Variants in DPP10 observed in about 807,000 individuals in gnomAD.
DPP10 encodes dipeptidyl peptidase like 10.
Under a neutral mutation model 120.9 loss-of-function variants are expected in DPP10, and 33 were observed. The observed-to-expected ratio is 0.27, with a 90% confidence interval of 0.21 to 0.37. DPP10 has a LOEUF of 0.37. Ranked by LOEUF, DPP10 falls within the 10% of genes least tolerant of loss-of-function variation. The probability of loss-of-function intolerance (pLI) is 1.00; values close to 1 mark genes in which losing one functional copy is unlikely to be tolerated. For synonymous variants in DPP10, 337 were observed against 326.1 expected (o/e 1.03, Z -0.36); for missense variants, 816 against 942.8 (o/e 0.87, Z 1.76).
At chr2:115,290,412 G>GATAGAGGTATA (rs1169980943) in intron 1 of DPP10, among the ~76,000 whole-genome samples, 40 of 152,194 alleles carry the variant, frequency 2.6e-4, no homozygotes, top group Middle Eastern at 6.8e-3. Context: ...GGATAAATAG[G>GATAGAGGTATA]CAGGTGGATA....
chr2:114,915,259 CAAAG>C (rs1406353523), intron 1 of DPP10, among the ~76,000 whole-genome samples: 2 of 152,106 alleles, frequency 1.3e-5, no homozygotes, highest in Non-Finnish European at 2.9e-5. Flanking sequence ...TCAAAAAAGA[CAAAG>C]AAGAGCATTA....
intron 1 of DPP10, among the ~76,000 whole-genome samples, chr2:114,983,246 G>T (rs939617627): frequency 1.2e-4 from 18 of 152,062 alleles, no homozygotes; most frequent in Non-Finnish European, 2.6e-4. Context: ...CCCTAGAAAG[G>T]TTTAATTAGT....
chr2:115,217,123 G>T (rs1574046105), intron 1 of DPP10, among the ~76,000 whole-genome samples: 1 of 152,144 alleles, frequency 6.6e-6, no homozygotes, highest in South Asian at 2.1e-4. Context: ...TTTCACCAGA[G>T]TTTTACCAAG....
At chr2:114,943,758 A>G (rs1489836740) in intron 1 of DPP10, among the ~76,000 whole-genome samples, 2 of 152,234 alleles carry the variant, frequency 1.3e-5, no homozygotes, top group Non-Finnish European at 2.9e-5. Flanking sequence ...TATAGAAAAT[A>G]CAGAAGTTAT....
At chr2:115,247,752 C>T (rs2058595864) in intron 1 of DPP10, among the ~76,000 whole-genome samples, 1 of 152,070 alleles carries the variant, frequency 6.6e-6, no homozygotes, top group Non-Finnish European at 1.5e-5. Context: ...GCAGTCTACA[C>T]TTTCAAGAAG....
At chr2:115,812,963 C>CTTTTT (rs66478532) in intron 19 of DPP10, among the ~76,000 whole-genome samples, 1 of 72,782 alleles carries the variant, frequency 1.4e-5, no homozygotes, top group Non-Finnish European at 2.4e-5. Context: ...GACTGGATAT[C>CTTTTT]TTTTTTTTTT....
chr2:115,537,957 C>A (rs1262155475), intron 5 of DPP10, among the ~76,000 whole-genome samples: 1 of 151,956 alleles, frequency 6.6e-6, no homozygotes, highest in Admixed American at 6.6e-5. Flanking sequence ...GTCCACAGGG[C>A]TACTTCCATG....
chr2:115,691,061 T>C (rs1415299030), intron 7 of DPP10, among the ~76,000 whole-genome samples: 1 of 152,204 alleles, frequency 6.6e-6, no homozygotes. Context: ...GCAATTTGTA[T>C]TTTTTCATAT....
intron 1 of DPP10, among the ~76,000 whole-genome samples, chr2:114,588,745 G>A (rs980214221): frequency 2.0e-5 from 3 of 151,898 alleles, no homozygotes; most frequent in Admixed American, 6.6e-5. Flanking sequence ...CATTTCAGCC[G>A]AACATCACTT....
At chr2:115,220,960 T>C (rs1174047594) in intron 1 of DPP10, among the ~76,000 whole-genome samples, 2 of 151,410 alleles carry the variant, frequency 1.3e-5, no homozygotes, top group African/African-American at 2.4e-5. Flanking sequence ...TATTATATAA[T>C]CAGTGGCGAA....
chr2:114,977,931 G>T (rs1699855050), intron 1 of DPP10, among the ~76,000 whole-genome samples: 1 of 146,506 alleles, frequency 6.8e-6, no homozygotes. Context: ...AACTGGTTTT[G>T]TGCTTTTTTG....
At chr2:114,831,474 G>A (rs987163623) in intron 1 of DPP10, among the ~76,000 whole-genome samples, 3 of 152,172 alleles carry the variant, frequency 2.0e-5, no homozygotes, top group Admixed American at 1.3e-4. Context: ...TCCAATTTTC[G>A]GGAAGCAGGT....
At chr2:115,433,160 G>T (rs936576498) in intron 3 of DPP10, among the ~76,000 whole-genome samples, 1 of 152,012 alleles carries the variant, frequency 6.6e-6, no homozygotes, top group African/African-American at 2.4e-5. Context: ...TTTTATTAGT[G>T]TTATTTTCCC....
At chr2:114,582,097 C>T (rs1265106211) in intron 1 of DPP10, among the ~76,000 whole-genome samples, 1 of 152,170 alleles carries the variant, frequency 6.6e-6, no homozygotes, top group East Asian at 1.9e-4. Flanking sequence ...CTTAAAAATC[C>T]TCTGCACTCT....
At chr2:114,585,367 T>C (rs548479390) in intron 1 of DPP10, among the ~76,000 whole-genome samples, 79 of 152,364 alleles carry the variant, frequency 5.2e-4, no homozygotes, top group African/African-American at 1.7e-3. Flanking sequence ...CTCGCTTTGA[T>C]TGACTTATCT....
intron 5 of DPP10, among the ~76,000 whole-genome samples, chr2:115,587,256 C>T (rs1353312007): frequency 1.3e-5 from 2 of 151,932 alleles, no homozygotes; most frequent in East Asian, 3.9e-4. Context: ...CGCGACCACG[C>T]CCAGCTAATT....
At chr2:115,217,393 G>A (rs146324468) in intron 1 of DPP10, among the ~76,000 whole-genome samples, 14 of 152,060 alleles carry the variant, frequency 9.2e-5, no homozygotes, top group African/African-American at 3.4e-4. Context: ...TTCTGTTTTC[G>A]TGGATGATGG....
intron 1 of DPP10, among the ~76,000 whole-genome samples, chr2:115,109,916 A>G (rs2049131912): frequency 1.3e-5 from 2 of 152,240 alleles, no homozygotes; most frequent in African/African-American, 4.8e-5. Context: ...TGTAGGGACA[A>G]AAACACAAGT....
chr2:114,682,620 T>A (rs1277306162), intron 1 of DPP10, among the ~76,000 whole-genome samples: 1 of 151,524 alleles, frequency 6.6e-6, no homozygotes, highest in Non-Finnish European at 1.5e-5. Context: ...ATATTGAATA[T>A]GTCCCTGAAG....
Sources: allele counts gnomAD v4.1 joint callset (sites outside exome capture counted in the v4.1 genomes callset), GRCh38; gene constraint gnomAD v4.1.1; transcripts MANE v1.5; gene names NCBI Gene and HGNC (gene_info 2026-07-23, HGNC 2026-07-21).